The following PCDHGB2 variants were observed in gnomAD, a reference collection of about 807,000 sequenced individuals.
PCDHGB2 encodes protocadherin gamma subfamily B, 2.
PCDHGB2 carries 55 observed loss-of-function variants against 59.3 expected under a neutral mutation model. That is an observed-to-expected ratio of 0.93 (90% CI 0.75 to 1.16). PCDHGB2 has a LOEUF of 1.16. Among genes scored for constraint, PCDHGB2 ranks in the 50% most tolerant of loss-of-function variants. PCDHGB2 has a pLI of 0.00. For synonymous variants in PCDHGB2, 516 were observed against 512.0 expected (o/e 1.01, Z -0.11); for missense variants, 1,228 against 1,198.5 (o/e 1.02, Z -0.36).
rs187307897 is a variant in PCDHGB2 at position 141,505,900 on chromosome 5, A to G, written c.2569+419A>G. 2.6e-4 allele frequency among the ~76,000 whole-genome samples: 39 copies of G among 152,296 alleles called. 1 individual carries two copies. In the East Asian group the frequency reaches 6.8e-3, roughly 26 times the overall value. ...TGTAGAGATTAAATGAGATGATACCACAAAGCATAGAGTTCTGGGCCTGGC... is the reference window on the plus strand; with the variant it reads ...TGTAGAGATTAAATGAGATGATACCGCAAAGCATAGAGTTCTGGGCCTGGC... On this transcript the variant is annotated intron_variant, in intron 3 of 3. Transcript: ENST00000522605.
chr5:141,366,259 G>A (rs369720611), intron 1 of PCDHGB2: 29 of 1,613,546 alleles, frequency 1.8e-5, no homozygotes, highest in Non-Finnish European at 2.5e-5. Context: ...AGAGCCTCGT[G>A]GTGGCCGTCG....
chr5:141,497,239 G>A (rs2099775226), intron 2 of PCDHGB2, among the ~76,000 whole-genome samples: 1 of 152,104 alleles, frequency 6.6e-6, no homozygotes, highest in Admixed American at 6.5e-5. Flanking sequence ...AAGGCTTCTA[G>A]GAGGAGGTGA....
At chr5:141,478,584 T>G in intron 1 of PCDHGB2, 1 of 1,577,982 alleles carries the variant, frequency 6.3e-7, no homozygotes, top group Non-Finnish European at 8.6e-7. Flanking sequence ...CTGTTAGTGC[T>G]TTTTTATTCC....
chr5:141,483,289 A>G (rs1446467890), intron 1 of PCDHGB2, among the ~76,000 whole-genome samples: 3 of 152,194 alleles, frequency 2.0e-5, no homozygotes, highest in Admixed American at 2.0e-4. Flanking sequence ...TCTGTCAGTC[A>G]TAAGTGAAGG....
Position 141,447,676 on chromosome 5 carries a change from C to T in PCDHGB2, c.2422-47131C>T, listed in dbSNP as rs1466767844. Among the ~76,000 whole-genome samples the T allele has an allele frequency of 2.6e-5, 4 of 152,104 alleles. No individual in the cohort carries two copies. The East Asian group carries it at 7.7e-4, about 29-fold the overall frequency. On this transcript the variant is annotated intron_variant, in intron 1 of 3. Coordinates refer to ENST00000522605, the MANE Select transcript of PCDHGB2 (RefSeq NM_018923.3). The stretch of plus-strand genomic sequence containing the variant: ...CCCCCCCAGGAAGTTAGAACTGTTC[C>T]ATATCTTGATAGAGGGATGGGTTAT...
chr5:141,435,254 G>C (rs1220755047), intron 1 of PCDHGB2, among the ~76,000 whole-genome samples: 1 of 152,018 alleles, frequency 6.6e-6, no homozygotes, highest in African/African-American at 2.4e-5. Flanking sequence ...GGCCATTAGG[G>C]ATATGTCCAT....
At chr5:141,365,169 C>G (rs1419653105) in intron 1 of PCDHGB2, 1 of 1,613,808 alleles carries the variant, frequency 6.2e-7, no homozygotes, top group Non-Finnish European at 8.5e-7. Context: ...TTGACCTACT[C>G]TTTTCGCAAT....
At chr5:141,405,352 T>C (rs747137239) in intron 1 of PCDHGB2, 12 of 1,614,170 alleles carry the variant, frequency 7.4e-6, no homozygotes, top group Middle Eastern at 1.6e-4. Flanking sequence ...CCAAGTTTCC[T>C]ATAGAAGACA....
rs746834673 is a variant in PCDHGB2, at chr5:141,394,045, A to G, written c.2421+31489A>G. ...AGATTAGTGACAAGGAAATATTTGG[A>G]CCGAGAAAATGTCTCTATCTACAAT... On this transcript the variant is annotated intron_variant, in intron 1 of 3. Transcript: ENST00000522605. 6 of 1,613,706 alleles carry G rather than the reference A, an allele frequency of 3.7e-6. No individual in the cohort carries two copies. The highest frequency in any genetic ancestry group is 1.6e-4 in the Middle Eastern group (1 of 6,062).
chr5:141,485,821 T>C lies in PCDHGB2; in HGVS notation c.2422-8986T>C, dbSNP rs765768266. 4 of 1,614,134 alleles carry C rather than the reference T, an allele frequency of 2.5e-6. No homozygotes were observed. Among genetic ancestry groups the C allele is most frequent in the Admixed American group, 1.7e-5 (1 of 60,014 alleles). ...ACCGCCTGGTGCTGACTGCTGTCGATGGAGGGAACCCGCCGAGATCTGGCA... is the reference window on the plus strand; with the variant it reads ...ACCGCCTGGTGCTGACTGCTGTCGACGGAGGGAACCCGCCGAGATCTGGCA... On this transcript the variant is annotated intron_variant, in intron 1 of 3. Coordinates refer to ENST00000522605, the MANE Select transcript of PCDHGB2 (RefSeq NM_018923.3). This position sits in a 1 kb window ranked among gnomAD's most constrained non-coding sequence, Gnocchi z 5.7.
chr5:141,388,509 C>T, intron 1 of PCDHGB2: 13 of 1,613,810 alleles, frequency 8.1e-6, no homozygotes, highest in Non-Finnish European at 1.1e-5. Flanking sequence ...GAAATCCTAC[C>T]ACTTGACTTT....
At chr5:141,389,363 C>A (rs776814041) in intron 1 of PCDHGB2, 5 of 1,613,868 alleles carry the variant, frequency 3.1e-6, no homozygotes, top group Non-Finnish European at 4.2e-6. Context: ...TGGCCAGTGA[C>A]CTGGAGCAGC....
chr5:141,365,768 G>A (rs1246552960), intron 1 of PCDHGB2: 2 of 1,613,812 alleles, frequency 1.2e-6, no homozygotes, highest in African/African-American at 1.3e-5. Flanking sequence ...CCATGACCCC[G>A]ACAGCGGCGA....
At chr5:141,415,475 C>T in intron 1 of PCDHGB2, 1 of 1,614,162 alleles carries the variant, frequency 6.2e-7, no homozygotes, top group Non-Finnish European at 8.5e-7. Flanking sequence ...ACCGCGGACT[C>T]GCGAAAGAGT....
At chr5:141,403,074 A>G (rs777613681) in intron 1 of PCDHGB2, 9 of 1,614,088 alleles carry the variant, frequency 5.6e-6, no homozygotes, top group Non-Finnish European at 6.8e-6. Flanking sequence ...GAGACAGAAA[A>G]GGGCTATATT....
intron 1 of PCDHGB2, chr5:141,440,430 G>A (rs965990102): frequency 6.6e-6 from 1 of 152,196 alleles, no homozygotes; most frequent in African/African-American, 2.4e-5. Flanking sequence ...CTGGGTGACA[G>A]AGCAAGGCGC....
In PCDHGB2 at chr5:141,375,076, G is replaced by A. The variant is rs1338311528; in HGVS notation, c.2421+12520G>A. 6 of 1,613,892 alleles carry A rather than the reference G, an allele frequency of 3.7e-6. No homozygotes were observed. In the African/African-American group the frequency reaches 5.3e-5, roughly 14 times the overall value. On this transcript the variant is annotated intron_variant, in intron 1 of 3. Coordinates refer to ENST00000522605, the MANE Select transcript of PCDHGB2 (RefSeq NM_018923.3). Reference sequence around the variant, plus strand: ...ATGGGCCAGGTCTTCGAGACAGAGCGAAAGTCTTAATAACTATCTTGGATG... The same window carrying A: ...ATGGGCCAGGTCTTCGAGACAGAGCAAAAGTCTTAATAACTATCTTGGATG...
At chr5:141,428,082 G>C (rs776612130) in intron 1 of PCDHGB2, 2 of 1,609,030 alleles carry the variant, frequency 1.2e-6, no homozygotes, top group Non-Finnish European at 8.5e-7. Flanking sequence ...GGGACACAAC[G>C]CTTGGCTGTC....
intron 2 of PCDHGB2, among the ~76,000 whole-genome samples, chr5:141,502,759 C>T (rs535899844): frequency 9.9e-5 from 15 of 152,130 alleles, no homozygotes; most frequent in African/African-American, 3.6e-4. Context: ...CATGTATTTG[C>T]TGGTATTCTT....
Sources: allele counts gnomAD v4.1 joint callset (sites outside exome capture counted in the v4.1 genomes callset), GRCh38; gene constraint gnomAD v4.1.1; non-coding constraint Gnocchi (gnomAD v3.1); transcripts MANE v1.5; gene names NCBI Gene and HGNC (gene_info 2026-07-23, HGNC 2026-07-21).